C1RL: variants seen among roughly 807,000 people sequenced by gnomAD.
C1RL encodes the protein complement C1r subcomponent like.
In C1RL, 27 loss-of-function variants were observed where a neutral mutation model predicts 27.9. That is an observed-to-expected ratio of 0.97 (90% CI 0.71 to 1.33). The LOEUF (loss-of-function observed/expected upper bound fraction) is 1.33. Among genes scored for constraint, C1RL ranks in the 40% most tolerant of loss-of-function variants. The probability of loss-of-function intolerance (pLI) is 0.00; values close to 1 mark genes in which losing one functional copy is unlikely to be tolerated. For synonymous variants in C1RL, 248 were observed against 252.1 expected (o/e 0.98, Z 0.15); for missense variants, 563 against 623.9 (o/e 0.90, Z 1.04).
In C1RL at chr12:7,094,554, T is replaced by C. The variant is rs1378474080; in HGVS notation, c.*1837A>G. ...ATAGATCTAGACATACACATATAAA[T>C]ATAGGTATATATATATTTTTTTGCC... On this transcript the variant is annotated 3_prime_UTR_variant, in exon 6 of 6. Transcript: ENST00000266542. 1 of 546,662 alleles carries C rather than the reference T, an allele frequency of 1.8e-6. No individual in the cohort carries two copies. Among genetic ancestry groups the C allele is most frequent in the Admixed American group, 9.0e-5 (1 of 11,162 alleles). The allele number at this position is 546,662 out of a possible 1,614,324, so 33.9% of individuals were successfully genotyped here. A position where few individuals can be genotyped will look rare whatever the true frequency, so the allele number is the denominator to read the frequency against.
intron 2 of C1RL, among the ~76,000 whole-genome samples, chr12:7,102,595 A>G (rs1938657254): frequency 6.6e-6 from 1 of 152,258 alleles, no homozygotes; most frequent in East Asian, 1.9e-4. Context: ...TCTTTGGCCA[A>G]CATCTGTGAG....
Position 7,095,346 on chromosome 12 carries a change from C to T in C1RL, c.*1045G>A, listed in dbSNP as rs1007364068. The T allele has an allele frequency of 2.0e-6, 2 of 977,682 alleles. No individual in the cohort carries two copies. Among genetic ancestry groups the T allele is most frequent in the Non-Finnish European group, 1.2e-6 (1 of 802,304 alleles). 60.6% of individuals were successfully genotyped at this position (977,682 alleles called of 1,614,324 possible). A position where few individuals can be genotyped will look rare whatever the true frequency, so the allele number is the denominator to read the frequency against. On this transcript the variant is annotated 3_prime_UTR_variant, in exon 6 of 6. Transcript: ENST00000266542. ...GGCCAGGATGGGCTGGATCTCCTGA[C>T]CTCGTGATCCACCCACCTCGGACTC... is the stretch of plus-strand genomic sequence containing the variant.
chr12:7,101,575 T>G, intron 3 of C1RL: 1 of 445,770 alleles, frequency 2.2e-6, no homozygotes, highest in Non-Finnish European at 4.1e-6. Flanking sequence ...CAGCCAGTAT[T>G]TATCTTTCAA....
At position 7,104,938 on chromosome 12, in the gene C1RL, C is replaced by T. The variant is rs1938722237; in HGVS notation, c.301-2851G>A. Reference sequence around the variant, plus strand: ...CTCTTAAAGTCATACTTTCCAAGAACCTATGGATGATTTTAAGTGAGGACT... The same window carrying T: ...CTCTTAAAGTCATACTTTCCAAGAATCTATGGATGATTTTAAGTGAGGACT... On this transcript the variant is annotated intron_variant, in intron 2 of 5. Transcript: ENST00000266542. This position sits in a 1 kb window ranked among gnomAD's most constrained non-coding sequence, Gnocchi z 5.4. 6.6e-6 allele frequency among the ~76,000 whole-genome samples: 1 copy of T among 152,122 alleles called. No individual in the cohort carries two copies. Among genetic ancestry groups the T allele is most frequent in the Non-Finnish European group, 1.5e-5 (1 of 68,032 alleles).
In C1RL at chr12:7,096,683, T is replaced by G. The variant is rs1591594951; in HGVS notation, c.1172A>C (p.Tyr391Ser). The G allele has an allele frequency of 6.2e-7, 1 of 1,614,016 alleles. No homozygotes were observed. The highest frequency in any genetic ancestry group is 8.5e-7 in the Non-Finnish European group (1 of 1,180,004). ...EMGWLTTELK[Y>S]SRLPVAPREA... ...CCTGGGAGCTACAGGCAGCCTCGAGTACTTCAGCTCAGTAGTTAGCCAGCC... is the reference window on the plus strand; with the variant it reads ...CCTGGGAGCTACAGGCAGCCTCGAGGACTTCAGCTCAGTAGTTAGCCAGCC... Residue 391 changes from tyrosine to serine, a missense_variant, in exon 6 of 6, where the codon TAC becomes TCC. Coordinates refer to ENST00000266542, the MANE Select transcript of C1RL (RefSeq NM_016546.4).
chr12:7,108,787 C>A (rs1938843541), intron 1 of C1RL: 1 of 553,330 alleles, frequency 1.8e-6, no homozygotes, highest in South Asian at 2.3e-5. Context: ...TCTGCTTCAG[C>A]AGATCCCACC....
At position 7,096,232 on chromosome 12, in the gene C1RL, T is replaced by C; in HGVS notation, c.*159A>G. ...GGCGGGCTTGCCGGGTGGGGGTTTC[T>C]CTTGCAGTGGCTTGGTGCAACAGTG... On this transcript the variant is annotated 3_prime_UTR_variant, in exon 6 of 6. Coordinates refer to ENST00000266542, the MANE Select transcript of C1RL (RefSeq NM_016546.4). 7.2e-7 allele frequency: 1 copy of C among 1,395,522 alleles called. No homozygotes were observed. The highest frequency in any genetic ancestry group is 1.7e-5 in the South Asian group (1 of 60,220). 86.4% of individuals were successfully genotyped at this position (1,395,522 alleles called of 1,614,324 possible).
At position 7,097,059 on chromosome 12, in the gene C1RL, C is replaced by T. The variant is rs370976814; in HGVS notation, c.796G>A (p.Gly266Ser). 1.9e-6 allele frequency: 3 copies of T among 1,614,134 alleles called. No individual in the cohort carries two copies. The highest frequency in any genetic ancestry group is 2.5e-6 in the Non-Finnish European group (3 of 1,180,020). ...FPWQAFTSIH[G>S]RGGGALLGDR... ...CCCAGCAGGGCCCCGCCCCCACGGC[C>T]GTGGATACTGGTGAAGGCTTGCCAG... Residue 266 changes from glycine (G) to serine (S), a missense_variant, in exon 6 of 6, where the codon GGC becomes AGC. Gly to Ser is a moderately conservative substitution (Grantham distance 56). Coordinates refer to ENST00000266542, the MANE Select transcript of C1RL (RefSeq NM_016546.4).
chr12:7,099,989 C>T lies in C1RL; in HGVS notation c.528G>A (p.Arg176=), dbSNP rs1938568815. 4.3e-6 allele frequency: 7 copies of T among 1,613,848 alleles called. No individual in the cohort carries two copies. The highest frequency in any genetic ancestry group is 5.9e-6 in the Non-Finnish European group (7 of 1,179,920). ...NYSQPISEAS[R]GSEAINAPGD... ...CAGGTGCGTTGATGGCCTCAGAGCC[C>T]CTGCTGGCCTCGCTGATGGGCTGAC... Residue 176 remains arginine, a synonymous_variant, in exon 4 of 6, where the codon AGG becomes AGA. Transcript: ENST00000266542.
chr12:7,105,759 G>A (rs1321227495), intron 2 of C1RL, among the ~76,000 whole-genome samples: 1 of 152,126 alleles, frequency 6.6e-6, no homozygotes, highest in Non-Finnish European at 1.5e-5. Context: ...AATGAAACAA[G>A]AACAATACTC....
Position 7,094,559 on chromosome 12 carries a change from G to A in C1RL, c.*1832C>T. On this transcript the variant is annotated 3_prime_UTR_variant, in exon 6 of 6. Transcript: ENST00000266542. ...TCTAGACATACACATATAAATATAG[G>A]TATATATATATTTTTTTGCCTTGGC... is the stretch of plus-strand genomic sequence containing the variant. The A allele has an allele frequency of 5.8e-6, 3 of 515,104 alleles. No homozygotes were observed. The highest frequency in any genetic ancestry group is 4.6e-6 in the Non-Finnish European group (2 of 437,572). The allele number at this position is 515,104 out of a possible 1,614,324, so 31.9% of individuals were successfully genotyped here.
chr12:7,108,966 GGTGTGTGTGTGTGTGT>G (rs764538217), intron 1 of C1RL, 128 bp downstream of exon 1: 156 of 367,958 alleles, frequency 4.2e-4, no homozygotes, highest in Admixed American at 6.6e-4. Flanking sequence ...ATGTGGGGGA[GGTGTGTGTGTGTGTGT>G]GTGTGTGGGG....
At chr12:7,101,158 T>C (rs199492049) in intron 3 of C1RL, among the ~76,000 whole-genome samples, 4 of 8,378 alleles carry the variant, frequency 4.8e-4, no homozygotes, top group Admixed American at 1.9e-3. Flanking sequence ...CCTTCCTTCC[T>C]TCCCTTCTTA....
At position 7,097,365 on chromosome 12, in the gene C1RL, C is replaced by G. The variant is rs752916867; in HGVS notation, c.692-202G>C. The G allele has an allele frequency of 2.2e-4, 118 of 529,136 alleles. No homozygotes were observed. In the South Asian group the frequency reaches 3.3e-3, roughly 15 times the overall value. The allele number at this position is 529,136 out of a possible 1,614,324, so 32.8% of individuals were successfully genotyped here. ...TTGCGCGATCTCGGCTCACTGCAACCTCCGCCTCCTGCGCTCAAGCAATTC... is the reference window on the plus strand; with the variant it reads ...TTGCGCGATCTCGGCTCACTGCAACGTCCGCCTCCTGCGCTCAAGCAATTC... On this transcript the variant is annotated intron_variant, in intron 5 of 5. Coordinates refer to ENST00000266542, the MANE Select transcript of C1RL (RefSeq NM_016546.4).
rs1938638499 is a variant in C1RL at position 7,101,949 on chromosome 12, T to C, written c.439A>G (p.Asn147Asp). The change falls in exon 3 of 6, where the codon AAC (asparagine) becomes GAC (aspartate). Residue 147 changes from asparagine (N) to aspartate (D), a missense_variant. Coordinates refer to ENST00000266542, the MANE Select transcript of C1RL (RefSeq NM_016546.4). ...LTFRTQPSSE[N>D]KTAHLHKGFL... ...CCCTTGTGGAGGTGGGCAGTCTTGTTCTCCGAGGAAGGCTGTGTGCGGAAG... is the reference window on the plus strand; with the variant it reads ...CCCTTGTGGAGGTGGGCAGTCTTGTCCTCCGAGGAAGGCTGTGTGCGGAAG... 6.2e-7 allele frequency: 1 copy of C among 1,614,252 alleles called. No homozygotes were observed. Among genetic ancestry groups the C allele is most frequent in the Non-Finnish European group, 8.5e-7 (1 of 1,180,044 alleles).
At position 7,094,887 on chromosome 12, in the gene C1RL, T is replaced by C. The variant is rs1938382704; in HGVS notation, c.*1504A>G. 9.9e-7 allele frequency: 1 copy of C among 1,006,952 alleles called. No individual in the cohort carries two copies. Among genetic ancestry groups the C allele is most frequent in the South Asian group, 3.7e-5 (1 of 27,128 alleles). The allele number at this position is 1,006,952 out of a possible 1,614,324, so 62.4% of individuals were successfully genotyped here. ...CATCATTGCACCTGCCTTTTGGGAA[T>C]ATTTTTAATAATCTTTTGTACTGTA... is the stretch of plus-strand genomic sequence containing the variant. On this transcript the variant is annotated 3_prime_UTR_variant, in exon 6 of 6. Transcript: ENST00000266542.
In C1RL at chr12:7,095,870, A is replaced by T. The variant is rs1450647050; in HGVS notation, c.*521T>A. 3.2e-6 allele frequency: 3 copies of T among 938,356 alleles called. No homozygotes were observed. The highest frequency in any genetic ancestry group is 3.8e-6 in the Non-Finnish European group (3 of 787,120). The allele number at this position is 938,356 out of a possible 1,614,324, so 58.1% of individuals were successfully genotyped here. On this transcript the variant is annotated 3_prime_UTR_variant, in exon 6 of 6. Transcript: ENST00000266542. ...AGGTGAAGCACCTGGCATATAGAGG[A>T]CATAAAATAAAAAAGGAGCTGTTTC...
chr12:7,096,002 AC>A lies in C1RL; in HGVS notation c.*388del, dbSNP rs1033469587. 4.0e-6 allele frequency: 4 copies of A among 1,009,048 alleles called. No individual in the cohort carries two copies. Among genetic ancestry groups the A allele is most frequent in the Non-Finnish European group, 4.7e-6 (4 of 846,716 alleles). The allele number at this position is 1,009,048 out of a possible 1,614,324, so 62.5% of individuals were successfully genotyped here. A position where few individuals can be genotyped will look rare whatever the true frequency, so the allele number is the denominator to read the frequency against. On this transcript the variant is annotated 3_prime_UTR_variant, in exon 6 of 6. Coordinates refer to ENST00000266542, the MANE Select transcript of C1RL (RefSeq NM_016546.4). ...ATGCAATGAAAACCCCTTCCTCCATACTCTAATAGCGGGTGAGTAGCTGACT... is the reference window on the plus strand; with the variant it reads ...ATGCAATGAAAACCCCTTCCTCCATATCTAATAGCGGGTGAGTAGCTGACT...
At chr12:7,101,230 C>CTCCCT (rs1344135645) in intron 3 of C1RL, among the ~76,000 whole-genome samples, 1 of 146,166 alleles carries the variant, frequency 6.8e-6, no homozygotes, top group Non-Finnish European at 1.5e-5. Flanking sequence ...GCTTTCTTCC[C>CTCCCT]TCCCTTCCCT....
Sources: allele counts gnomAD v4.1 joint callset (sites outside exome capture counted in the v4.1 genomes callset), GRCh38; gene constraint gnomAD v4.1.1; non-coding constraint Gnocchi (gnomAD v3.1); transcripts MANE v1.5; gene names NCBI Gene and HGNC (gene_info 2026-07-23, HGNC 2026-07-21).